LRRC20: variants seen among roughly 807,000 people sequenced by gnomAD.
LRRC20 encodes leucine-rich repeat-containing protein 20.
A neutral mutation model predicts 14.4 loss-of-function variants in LRRC20; 11 were observed. The observed-to-expected ratio is 0.77, with a 90% CI of 0.48 to 1.27. The LOEUF is 1.27. Among genes scored for constraint, LRRC20 ranks in the 50% most tolerant of loss-of-function variants. The pLI is 0.00. For missense variants in LRRC20, 219 were observed against 251.2 expected, an observed-to-expected ratio of 0.87 and a Z score of 0.87; for synonymous variants, 121 against 107.3, an observed-to-expected ratio of 1.13 and a Z score of -0.79.
chr10:70,372,553 T>C (rs928200080), intron 2 of LRRC20, among the ~76,000 whole-genome samples: 3 of 150,074 alleles, frequency 2.0e-5, no homozygotes, highest in East Asian at 4.1e-4. Context: ...ACCATTCTCC[T>C]GCCTCAGCCT....
intron 2 of LRRC20, among the ~76,000 whole-genome samples, chr10:70,351,632 C>T (rs993082476): frequency 9.9e-5 from 15 of 152,056 alleles, no homozygotes; most frequent in Non-Finnish European, 1.9e-4. Flanking sequence ...ATTTAGCGAG[C>T]GATATGACCA....
At chr10:70,331,766 C>G (rs1222921299) in intron 3 of LRRC20, among the ~76,000 whole-genome samples, 1 of 152,148 alleles carries the variant, frequency 6.6e-6, no homozygotes. Flanking sequence ...AACGTTGTAC[C>G]CAGCCTGAGA....
chr10:70,334,828 C>T (rs1842664389), intron 3 of LRRC20, among the ~76,000 whole-genome samples: 1 of 152,208 alleles, frequency 6.6e-6, no homozygotes, highest in African/African-American at 2.4e-5. Context: ...AGGCGGTTGC[C>T]AGAGGTAAAG....
intron 2 of LRRC20, among the ~76,000 whole-genome samples, chr10:70,360,893 G>A (rs1308737438): frequency 6.6e-6 from 1 of 152,156 alleles, no homozygotes; most frequent in Non-Finnish European, 1.5e-5. Context: ...ATGTTAAAGA[G>A]GGTATGGGAA....
chr10:70,359,284 C>T (rs934091500), intron 2 of LRRC20, among the ~76,000 whole-genome samples: 2 of 152,194 alleles, frequency 1.3e-5, no homozygotes, highest in Non-Finnish European at 2.9e-5. Flanking sequence ...AGGCCAGGCA[C>T]AGTCGCTCAT....
intron 4 of LRRC20, among the ~76,000 whole-genome samples, chr10:70,319,276 C>T (rs1841989854): frequency 6.6e-6 from 1 of 152,078 alleles, no homozygotes; most frequent in South Asian, 2.1e-4. Context: ...AATGAAGTCT[C>T]TCTAATATGT....
intron 3 of LRRC20, among the ~76,000 whole-genome samples, chr10:70,334,532 G>A (rs1391147912): frequency 1.3e-5 from 2 of 152,056 alleles, no homozygotes; most frequent in African/African-American, 2.4e-5. Flanking sequence ...GACATACACT[G>A]TTCACTGGCA....
chr10:70,321,532 C>A (rs1842074783), intron 4 of LRRC20, among the ~76,000 whole-genome samples: 1 of 152,238 alleles, frequency 6.6e-6, no homozygotes, highest in South Asian at 2.1e-4. Context: ...CTCTCTCTAG[C>A]TCGGGGGCAG....
chr10:70,366,758 G>C (rs1390547643), intron 2 of LRRC20, among the ~76,000 whole-genome samples: 2 of 151,948 alleles, frequency 1.3e-5, no homozygotes, highest in Non-Finnish European at 2.9e-5. Context: ...GAAAATATTT[G>C]AAAATAAATA....
intron 1 of LRRC20, chr10:70,381,441 T>C (rs1280736527): frequency 6.6e-6 from 1 of 152,108 alleles, no homozygotes; most frequent in South Asian, 2.1e-4. Flanking sequence ...GGAGGGGTGA[T>C]TTTTGCTTAA....
rs185578695 is a variant in LRRC20 at position 70,374,202 on chromosome 10, C to T, written c.82+2250G>A. 4.6e-5 allele frequency among the ~76,000 whole-genome samples: 7 copies of T among 152,262 alleles called. No homozygotes were observed. The East Asian group carries it at 1.4e-3, about 29-fold the overall frequency. Reference sequence around the variant, plus strand: ...GGAGTGCCTGTCTCCTCACCGCTGCCTCCTGAAACATCCTCTCTCAAACAG... The same window carrying T: ...GGAGTGCCTGTCTCCTCACCGCTGCTTCCTGAAACATCCTCTCTCAAACAG... On this transcript the variant is annotated intron_variant, in intron 2 of 4. Coordinates refer to ENST00000446961, the MANE Select transcript of LRRC20 (RefSeq NM_001278212.2).
intron 2 of LRRC20, among the ~76,000 whole-genome samples, chr10:70,351,844 GTT>G (rs1325738738): frequency 6.6e-6 from 1 of 152,084 alleles, no homozygotes; most frequent in Non-Finnish European, 1.5e-5. Context: ...CAACTTTACA[GTT>G]TCTGCAATAC....
chr10:70,328,544 G>A (rs1842413242), intron 3 of LRRC20, among the ~76,000 whole-genome samples: 2 of 152,176 alleles, frequency 1.3e-5, no homozygotes, highest in South Asian at 2.1e-4. Context: ...TGATACACCC[G>A]CCTCGGCCTT....
At chr10:70,367,234 AG>A (rs1168181629) in intron 2 of LRRC20, among the ~76,000 whole-genome samples, 1 of 150,240 alleles carries the variant, frequency 6.7e-6, no homozygotes, top group Non-Finnish European at 1.5e-5. Context: ...CTGAGGTGGG[AG>A]GACGCTTGAG....
chr10:70,308,309 GC>G (rs1841500060), intron 4 of LRRC20, among the ~76,000 whole-genome samples: 1 of 152,128 alleles, frequency 6.6e-6, no homozygotes, highest in Non-Finnish European at 1.5e-5. Context: ...AAGTAATTTT[GC>G]CTGGGGTCAC....
chr10:70,329,033 T>C (rs1268617991), intron 3 of LRRC20, among the ~76,000 whole-genome samples: 1 of 152,192 alleles, frequency 6.6e-6, no homozygotes, highest in Non-Finnish European at 1.5e-5. Context: ...AGAGGGTCAG[T>C]GCAACTGTGA....
At chr10:70,305,706 A>G (rs1445618744) in intron 4 of LRRC20, among the ~76,000 whole-genome samples, 6 of 151,984 alleles carry the variant, frequency 3.9e-5, no homozygotes. Flanking sequence ...AATAAAAACT[A>G]GCAAAAATAC....
At chr10:70,324,819 G>A (rs1016437177) in intron 3 of LRRC20, among the ~76,000 whole-genome samples, 2 of 152,154 alleles carry the variant, frequency 1.3e-5, no homozygotes, top group African/African-American at 2.4e-5. Flanking sequence ...AGGAGGAACT[G>A]GAGTCCCCAT....
intron 3 of LRRC20, among the ~76,000 whole-genome samples, chr10:70,331,721 G>A (rs1037465124): frequency 2.6e-5 from 4 of 152,132 alleles, no homozygotes; most frequent in African/African-American, 7.2e-5. Flanking sequence ...GATGGACCGG[G>A]GCTCTGGAAA....
Sources: gnomAD v4.1 joint callset for allele counts (sites outside exome capture counted in the v4.1 genomes callset) on GRCh38, gnomAD v4.1.1 for gene constraint, MANE v1.5 for transcripts, NCBI Gene and HGNC (gene_info 2026-07-23, HGNC 2026-07-21) for gene names.